PPARGC1A: variants seen among roughly 807,000 people sequenced by gnomAD.
The protein encoded by PPARGC1A is PPARG coactivator 1 alpha.
PPARGC1A carries 25 observed loss-of-function variants against 88.7 expected under a neutral mutation model. That is an observed-to-expected ratio of 0.28 (90% CI 0.21 to 0.39). PPARGC1A has a LOEUF of 0.39. Ranked by LOEUF, PPARGC1A falls within the 10% of genes least tolerant of loss-of-function variation. The pLI is 1.00. For missense variants in PPARGC1A, 880 were observed against 968.7 expected (o/e 0.91, Z 1.22); for synonymous variants, 363 against 355.6 (o/e 1.02, Z -0.24).
At chr4:23,862,434 G>A (rs1731364508) in intron 2 of PPARGC1A, among the ~76,000 whole-genome samples, 1 of 152,128 alleles carries the variant, frequency 6.6e-6, no homozygotes, top group African/African-American at 2.4e-5. Flanking sequence ...GGCAATAGAG[G>A]TATTAATTGG....
At chr4:24,050,985 A>G in the PPARGC1A span, among the ~76,000 whole-genome samples, 4 of 152,144 alleles carry the variant, frequency 2.6e-5, no homozygotes, top group Non-Finnish European at 5.9e-5. Context: ...CAGGAGATGG[A>G]GACCATCCTG....
At chr4:24,016,268 A>C in the PPARGC1A span, among the ~76,000 whole-genome samples, 1 of 152,180 alleles carries the variant, frequency 6.6e-6, no homozygotes, top group Non-Finnish European at 1.5e-5. Context: ...TTACTGAGAA[A>C]TTGGGTCACA....
the PPARGC1A span, among the ~76,000 whole-genome samples, chr4:24,190,844 C>T: frequency 6.6e-6 from 1 of 152,204 alleles, no homozygotes; most frequent in Non-Finnish European, 1.5e-5. Flanking sequence ...TTTCCCACCG[C>T]TGGTGGACTA....
the PPARGC1A span, among the ~76,000 whole-genome samples, chr4:24,279,628 C>G: frequency 6.6e-6 from 1 of 152,124 alleles, no homozygotes; most frequent in Non-Finnish European, 1.5e-5. Flanking sequence ...CACACATGGT[C>G]TTCTCACTCC....
At chr4:24,279,333 C>T in the PPARGC1A span, among the ~76,000 whole-genome samples, 1 of 152,136 alleles carries the variant, frequency 6.6e-6, no homozygotes, top group Non-Finnish European at 1.5e-5. Context: ...ATTTCCCAGA[C>T]ATCATGAGAA....
chr4:24,386,263 T>C, the PPARGC1A span, among the ~76,000 whole-genome samples: 8 of 152,202 alleles, frequency 5.3e-5, no homozygotes, highest in African/African-American at 1.9e-4. Flanking sequence ...GAACTATTTA[T>C]GACAAACCCA....
the PPARGC1A span, among the ~76,000 whole-genome samples, chr4:23,996,268 A>G: frequency 6.6e-6 from 1 of 152,304 alleles, no homozygotes; most frequent in South Asian, 2.1e-4. Context: ...CAAAGTCCCA[A>G]GTCACATGGA....
At chr4:23,863,294 C>T (rs1423894567) in intron 2 of PPARGC1A, among the ~76,000 whole-genome samples, 1 of 152,152 alleles carries the variant, frequency 6.6e-6, no homozygotes, top group Non-Finnish European at 1.5e-5. Flanking sequence ...TTCGCTGATG[C>T]CACCAGATAA....
At chr4:24,051,934 A>C in the PPARGC1A span, among the ~76,000 whole-genome samples, 1 of 85,998 alleles carries the variant, frequency 1.2e-5, no homozygotes, top group East Asian at 3.1e-4. Context: ...AGTGATTTGC[A>C]CAAAAAAAAA....
the PPARGC1A span, among the ~76,000 whole-genome samples, chr4:24,108,298 T>C: frequency 1.3e-5 from 2 of 152,144 alleles, no homozygotes; most frequent in African/African-American, 4.8e-5. Context: ...ATTATCTTCC[T>C]TATGTACAAG....
the PPARGC1A span, among the ~76,000 whole-genome samples, chr4:24,172,687 T>A: frequency 2.0e-5 from 3 of 152,242 alleles, no homozygotes; most frequent in Admixed American, 1.3e-4. Flanking sequence ...GGGCCTGGGT[T>A]TCGCCTTCAC....
the PPARGC1A span, among the ~76,000 whole-genome samples, chr4:24,441,808 A>G: frequency 1.3e-5 from 2 of 152,206 alleles, no homozygotes; most frequent in African/African-American, 4.8e-5. Flanking sequence ...GGAGGCAGAA[A>G]CTCTGAGCTC....
chr4:24,363,682 A>G, the PPARGC1A span, among the ~76,000 whole-genome samples: 1 of 152,236 alleles, frequency 6.6e-6, no homozygotes, highest in African/African-American at 2.4e-5. Flanking sequence ...TCAGTTTATC[A>G]TAAACAATAC....
the PPARGC1A span, among the ~76,000 whole-genome samples, chr4:23,970,541 G>C: frequency 1.3e-5 from 2 of 152,312 alleles, no homozygotes; most frequent in Middle Eastern, 3.4e-3. Context: ...GGTTACTGAG[G>C]GGGTAGGTAA....
chr4:24,338,607 C>G, the PPARGC1A span, among the ~76,000 whole-genome samples: 1 of 152,042 alleles, frequency 6.6e-6, no homozygotes, highest in Admixed American at 6.5e-5. Context: ...TATGGGATAC[C>G]AACCCCCGTT....
the PPARGC1A span, among the ~76,000 whole-genome samples, chr4:24,348,140 C>G: frequency 6.6e-6 from 1 of 152,200 alleles, no homozygotes; most frequent in Admixed American, 6.5e-5. Context: ...GGTCCCCAAT[C>G]CCTTCTAGCT....
the PPARGC1A span, among the ~76,000 whole-genome samples, chr4:24,170,459 T>C: frequency 6.6e-6 from 1 of 152,100 alleles, no homozygotes; most frequent in Non-Finnish European, 1.5e-5. Flanking sequence ...AAAAAAGAAT[T>C]CTTGATTTTT....
chr4:24,100,133 T>G, the PPARGC1A span, among the ~76,000 whole-genome samples: 3 of 152,098 alleles, frequency 2.0e-5, no homozygotes, highest in Admixed American at 6.6e-5. Context: ...AATATATATA[T>G]AAAGCAGAAT....
At chr4:24,162,369 A>G in the PPARGC1A span, among the ~76,000 whole-genome samples, 1 of 151,966 alleles carries the variant, frequency 6.6e-6, no homozygotes, top group Non-Finnish European at 1.5e-5. Context: ...TATGGAAATA[A>G]AAATAAAATA....
Sources: gnomAD v4.1 joint callset for allele counts (sites outside exome capture counted in the v4.1 genomes callset) on GRCh38, gnomAD v4.1.1 for gene constraint, MANE v1.5 for transcripts, NCBI Gene and HGNC (gene_info 2026-07-23, HGNC 2026-07-21) for gene names.